The following NKAIN2 variants were observed in gnomAD, a reference collection of about 807,000 sequenced individuals.
NKAIN2 encodes sodium/potassium-transporting ATPase subunit beta-1-interacting protein 2.
Under a neutral mutation model 32.6 loss-of-function variants are expected in NKAIN2, and 14 were observed. The ratio of observed to expected loss-of-function variants is 0.43; its 90% CI spans 0.28 to 0.67. The LOEUF (loss-of-function observed/expected upper bound fraction) is 0.67, where lower values mean the gene tolerates loss of function less well. Among genes scored for constraint, NKAIN2 ranks in the 30% least tolerant of loss-of-function variants. The probability of loss-of-function intolerance (pLI) is 0.17; values close to 1 mark genes in which losing one functional copy is unlikely to be tolerated. For synonymous variants in NKAIN2, 80 were observed against 87.2 expected (o/e 0.92, Z 0.46); for missense variants, 198 against 258.3 (o/e 0.77, Z 1.60).
intron 3 of NKAIN2, among the ~76,000 whole-genome samples, chr6:124,433,483 T>C (rs1181141997): frequency 6.6e-6 from 1 of 152,170 alleles, no homozygotes; most frequent in African/African-American, 2.4e-5. Context: ...TCTGATAAAC[T>C]GTCATGTGGA....
intron 3 of NKAIN2, among the ~76,000 whole-genome samples, chr6:124,392,912 C>G (rs1773206669): frequency 6.6e-6 from 1 of 152,116 alleles, no homozygotes; most frequent in Non-Finnish European, 1.5e-5. Context: ...AAGCTTGCTA[C>G]TTGGCACCCT....
intron 1 of NKAIN2, among the ~76,000 whole-genome samples, chr6:123,925,376 G>A (rs1313503883): frequency 1.3e-5 from 2 of 152,136 alleles, no homozygotes; most frequent in African/African-American, 4.8e-5. Flanking sequence ...AAATGTCCAA[G>A]GGCTATAAAA....
chr6:124,608,145 G>A (rs1201630929), intron 3 of NKAIN2, among the ~76,000 whole-genome samples: 2 of 152,166 alleles, frequency 1.3e-5, no homozygotes, highest in African/African-American at 2.4e-5. Context: ...AGAACTAGCA[G>A]TGATGACATC....
At chr6:124,252,203 G>T (rs1173886740) in intron 1 of NKAIN2, among the ~76,000 whole-genome samples, 1 of 151,932 alleles carries the variant, frequency 6.6e-6, no homozygotes, top group Non-Finnish European at 1.5e-5. Flanking sequence ...CAGTAGAATG[G>T]ATAAATAAAT....
At chr6:124,341,321 C>T (rs1019943055) in intron 2 of NKAIN2, among the ~76,000 whole-genome samples, 2 of 151,848 alleles carry the variant, frequency 1.3e-5, no homozygotes, top group Non-Finnish European at 2.9e-5. Context: ...ACTTTTTAAT[C>T]AACTGAAAAA....
At chr6:124,600,297 T>C (rs978007629) in intron 3 of NKAIN2, among the ~76,000 whole-genome samples, 1 of 152,134 alleles carries the variant, frequency 6.6e-6, no homozygotes, top group African/African-American at 2.4e-5. Flanking sequence ...ACAACTATTT[T>C]TCAAGGCAAG....
intron 3 of NKAIN2, among the ~76,000 whole-genome samples, chr6:124,565,963 G>A (rs1342401458): frequency 6.6e-6 from 1 of 152,180 alleles, no homozygotes; most frequent in African/African-American, 2.4e-5. Flanking sequence ...TAGATTTGCT[G>A]TGCTAAGCAG....
chr6:124,263,613 A>G (rs1794350636), intron 1 of NKAIN2, among the ~76,000 whole-genome samples: 1 of 152,194 alleles, frequency 6.6e-6, no homozygotes, highest in Non-Finnish European at 1.5e-5. Context: ...TTACATAGTT[A>G]ATTCCTAGTC....
chr6:124,182,072 C>T (rs773843789), intron 1 of NKAIN2, among the ~76,000 whole-genome samples: 36 of 152,240 alleles, frequency 2.4e-4, no homozygotes, highest in Non-Finnish European at 4.7e-4. Context: ...GGAGACCTCA[C>T]GATCATGGTG....
chr6:124,336,946 C>T (rs1043706321), intron 2 of NKAIN2, among the ~76,000 whole-genome samples: 7 of 151,890 alleles, frequency 4.6e-5, no homozygotes, highest in Non-Finnish European at 8.8e-5. Flanking sequence ...GCTGGGATTA[C>T]AGGAGTGAGC....
chr6:123,864,507 C>A, intron 1 of NKAIN2, among the ~76,000 whole-genome samples: 1 of 152,084 alleles, frequency 6.6e-6, no homozygotes, highest in East Asian at 1.9e-4. Context: ...AGACCATAAA[C>A]AAATATATAA....
rs561164888 is a variant in NKAIN2, at chr6:124,751,936, T to C, written c.475-39403T>C. 1.7e-3 allele frequency among the ~76,000 whole-genome samples: 265 copies of C among 152,094 alleles called. 3 individuals are homozygous for C. The highest frequency in any genetic ancestry group is 5.9e-3 in the African/African-American group (245 of 41,520). On this transcript the variant is annotated intron_variant, in intron 4 of 6. Transcript: ENST00000368417. ...AATTGAGGCTGCAGTGAGCTGTGGT[T>C]GCACTGCTGCACTCTAGCCTGGGTG...
At chr6:124,474,848 T>C (rs1361246412) in intron 3 of NKAIN2, among the ~76,000 whole-genome samples, 1 of 100,210 alleles carries the variant, frequency 1.0e-5, no homozygotes, top group Non-Finnish European at 2.1e-5. Flanking sequence ...ATATATAATA[T>C]ATACATATAT....
chr6:123,948,413 C>T (rs1397232460), intron 1 of NKAIN2, among the ~76,000 whole-genome samples: 1 of 151,890 alleles, frequency 6.6e-6, no homozygotes, highest in East Asian at 1.9e-4. Flanking sequence ...TCTCAGCATC[C>T]TCTCCAGCAT....
At chr6:123,818,215 T>C (rs76216912) in intron 1 of NKAIN2, among the ~76,000 whole-genome samples, 123 of 152,318 alleles carry the variant, frequency 8.1e-4, no homozygotes, top group Non-Finnish European at 1.6e-3. Context: ...GACAAACACG[T>C]ATTTCTGAAT....
At chr6:124,191,437 A>G (rs1002271366) in intron 1 of NKAIN2, among the ~76,000 whole-genome samples, 5 of 152,042 alleles carry the variant, frequency 3.3e-5, no homozygotes, top group Non-Finnish European at 7.4e-5. Context: ...TAGAAATATA[A>G]CTATTTTTCC....
At chr6:124,400,576 C>T (rs1338407868) in intron 3 of NKAIN2, among the ~76,000 whole-genome samples, 1 of 152,162 alleles carries the variant, frequency 6.6e-6, no homozygotes, top group African/African-American at 2.4e-5. Context: ...AGAAAACTCC[C>T]TAATTTGAGT....
chr6:124,088,921 A>T (rs1383560203), intron 1 of NKAIN2, among the ~76,000 whole-genome samples: 3 of 152,076 alleles, frequency 2.0e-5, no homozygotes, highest in African/African-American at 7.2e-5. Flanking sequence ...CTATATTTTC[A>T]CATGACTTAT....
At chr6:124,449,570 A>C (rs1776019556) in intron 3 of NKAIN2, among the ~76,000 whole-genome samples, 2 of 152,162 alleles carry the variant, frequency 1.3e-5, no homozygotes, top group Admixed American at 1.3e-4. Flanking sequence ...AAGATTAAGT[A>C]TCTGAGGCTA....
Sources: gnomAD v4.1 joint callset for allele counts (sites outside exome capture counted in the v4.1 genomes callset) on GRCh38, gnomAD v4.1.1 for gene constraint, MANE v1.5 for transcripts, NCBI Gene and HGNC (gene_info 2026-07-23, HGNC 2026-07-21) for gene names.